Variants in CEP89 observed in about 807,000 individuals in gnomAD.
CEP89 encodes the protein centrosomal protein 89, also known as centrosomal protein of 89 kDa.
CEP89 carries 95 observed loss-of-function variants against 97.6 expected under a neutral mutation model. That is an observed-to-expected ratio of 0.97 (90% CI 0.82 to 1.15). CEP89 has a LOEUF of 1.15. Among genes scored for constraint, CEP89 ranks in the 50% most tolerant of loss-of-function variants. CEP89 has a pLI of 0.00. For synonymous variants in CEP89, 354 were observed against 349.1 expected, an observed-to-expected ratio of 1.01 and a Z score of -0.16; for missense variants, 869 against 947.7, an observed-to-expected ratio of 0.92 and a Z score of 1.09.
intron 2 of CEP89, 21 bp from the exon 3 acceptor site, chr19:32,960,079 T>G (rs1282119289): frequency 1.2e-6 from 2 of 1,613,354 alleles, no homozygotes; most frequent in Non-Finnish European, 8.5e-7. Context: ...AAACATCCCA[T>G]GGAGACAGTG....
chr19:32,917,998 G>C (rs2278401), intron 13 of CEP89, among the ~76,000 whole-genome samples: 31,785 of 152,134 alleles, frequency 0.21, 3,440 homozygotes, highest in African/African-American at 0.24. Flanking sequence ...ACCTACGAGT[G>C]ATTTACAAAC....
At chr19:32,927,919 CTTT>C (rs1353769739) in intron 9 of CEP89, among the ~76,000 whole-genome samples, 1 of 65,618 alleles carries the variant, frequency 1.5e-5, no homozygotes, top group African/African-American at 6.3e-5. Flanking sequence ...TTTTTTTTTT[CTTT>C]TTTTTTTTTT....
chr19:32,902,984 G>C (rs913367408), intron 14 of CEP89, among the ~76,000 whole-genome samples: 2 of 152,078 alleles, frequency 1.3e-5, no homozygotes, highest in Non-Finnish European at 2.9e-5. Context: ...CTTAGCAGTG[G>C]GGCTAACTTA....
chr19:32,882,067 C>T, intron 17 of CEP89, 54 bp from the exon 18 acceptor site: 1 of 1,481,818 alleles, frequency 6.7e-7, no homozygotes, highest in Non-Finnish European at 9.1e-7. Context: ...CCAGGGTGGA[C>T]AGTGCCTCCT....
intron 5 of CEP89, among the ~76,000 whole-genome samples, chr19:32,944,505 A>T (rs1970755408): frequency 6.6e-6 from 1 of 152,160 alleles, no homozygotes; most frequent in African/African-American, 2.4e-5. Flanking sequence ...TGAAGCCAGA[A>T]AACCATCCAG....
intron 5 of CEP89, among the ~76,000 whole-genome samples, chr19:32,943,880 G>A (rs545172118): frequency 1.2e-3 from 190 of 152,060 alleles, no homozygotes; most frequent in South Asian, 4.2e-3. Context: ...GTGAAGGGAC[G>A]CATGTGGGGG....
intron 5 of CEP89, among the ~76,000 whole-genome samples, chr19:32,941,446 T>C (rs1970685232): frequency 6.6e-6 from 1 of 152,070 alleles, no homozygotes; most frequent in African/African-American, 2.4e-5. Context: ...GAGGTTGCAG[T>C]GAGCCAAGAC....
rs774814142 is a variant in CEP89 at position 32,879,296 on chromosome 19, G to A, written c.2218C>T (p.Leu740Phe). The A allele has an allele frequency of 6.2e-7, 1 of 1,614,268 alleles. No individual in the cohort carries two copies. The highest frequency in any genetic ancestry group is 8.5e-7 in the Non-Finnish European group (1 of 1,180,048). The change falls in exon 19 of 19, where the codon CTC becomes TTC. Residue 740 changes from leucine (L) to phenylalanine (F), a missense_variant. Transcript: ENST00000305768. The stretch of plus-strand genomic sequence containing the variant: ...TTGTCCTGCACGCCTGTCCTCGTGA[G>A]TGTGTCCTGGAGAAGTTCTCGGATT... ...RRIRELLQDTLTRTGVQDNPR... is the reference protein window; with the variant it reads ...RRIRELLQDTFTRTGVQDNPR...
At chr19:32,918,741 A>G (rs1422827147) in intron 12 of CEP89, among the ~76,000 whole-genome samples, 1 of 152,194 alleles carries the variant, frequency 6.6e-6, no homozygotes, top group Non-Finnish European at 1.5e-5. Flanking sequence ...TAAAGAATTT[A>G]GAAAGTTCCC....
intron 15 of CEP89, among the ~76,000 whole-genome samples, chr19:32,901,023 C>T (rs1178451256): frequency 6.6e-5 from 10 of 151,640 alleles, no homozygotes; most frequent in African/African-American, 2.2e-4. Flanking sequence ...GTAGCTGGGA[C>T]TACAGGTGCG....
chr19:32,943,043 T>A (rs1285978540), intron 5 of CEP89, among the ~76,000 whole-genome samples: 1 of 152,028 alleles, frequency 6.6e-6, no homozygotes, highest in Admixed American at 6.6e-5. Flanking sequence ...TGCCTCAGCC[T>A]CCAGCTGCCG....
chr19:32,894,819 T>C (rs1265644803), intron 16 of CEP89, among the ~76,000 whole-genome samples: 1 of 152,216 alleles, frequency 6.6e-6, no homozygotes, highest in Non-Finnish European at 1.5e-5. Flanking sequence ...TGACTTCTGC[T>C]ATGCAATAGA....
chr19:32,890,019 A>C (rs1385436871), intron 16 of CEP89, among the ~76,000 whole-genome samples: 1 of 152,068 alleles, frequency 6.6e-6, no homozygotes, highest in Non-Finnish European at 1.5e-5. Context: ...TCAAAGTCAA[A>C]TTGCTTTCTG....
At chr19:32,944,314 G>A (rs1970751729) in intron 5 of CEP89, among the ~76,000 whole-genome samples, 1 of 151,556 alleles carries the variant, frequency 6.6e-6, no homozygotes, top group African/African-American at 2.4e-5. Context: ...AAGGAAACCT[G>A]GGCGCAGCAC....
At chr19:32,959,567 A>C (rs1431903834) in intron 3 of CEP89, among the ~76,000 whole-genome samples, 1 of 152,198 alleles carries the variant, frequency 6.6e-6, no homozygotes, top group Non-Finnish European at 1.5e-5. Context: ...CTGCACAAAG[A>C]AACTTACTAA....
chr19:32,957,840 A>T (rs1168074062), intron 3 of CEP89, among the ~76,000 whole-genome samples: 1 of 151,958 alleles, frequency 6.6e-6, no homozygotes, highest in Non-Finnish European at 1.5e-5. Context: ...AAAAACAAAT[A>T]AATAAATTAG....
At chr19:32,935,804 C>A (rs1043011092) in intron 7 of CEP89, among the ~76,000 whole-genome samples, 1 of 152,038 alleles carries the variant, frequency 6.6e-6, no homozygotes, top group Non-Finnish European at 1.5e-5. Context: ...GCTGCCCAAG[C>A]CCGGCTGCAG....
In CEP89 at chr19:32,882,017, G is replaced by A. The variant is rs1969294365; in HGVS notation, c.1966-4C>T. The A allele has an allele frequency of 6.4e-7, 1 of 1,560,178 alleles. No homozygotes were observed. The highest frequency in any genetic ancestry group is 8.7e-7 in the Non-Finnish European group (1 of 1,152,494). ...GTGCTGCCTGCTTCTTGTAGCCCTGGTCGGGGGAAGGACTCTGTGAATGAG... is the reference window on the plus strand; with the variant it reads ...GTGCTGCCTGCTTCTTGTAGCCCTGATCGGGGGAAGGACTCTGTGAATGAG... On this transcript the variant is annotated splice_region_variant and splice_polypyrimidine_tract_variant and intron_variant, in intron 17 of 18. Coordinates refer to ENST00000305768, the MANE Select transcript of CEP89 (RefSeq NM_032816.5).
At chr19:32,907,365 AAAG>A (rs1201749826) in intron 14 of CEP89, among the ~76,000 whole-genome samples, 1 of 152,172 alleles carries the variant, frequency 6.6e-6, no homozygotes, top group African/African-American at 2.4e-5. Context: ...TCTTAAACTA[AAAG>A]AAGAGAATAA....
Sources: allele counts gnomAD v4.1 joint callset (sites outside exome capture counted in the v4.1 genomes callset), GRCh38; gene constraint gnomAD v4.1.1; transcripts MANE v1.5; gene names NCBI Gene and HGNC (gene_info 2026-07-23, HGNC 2026-07-21).